Variants in PPARGC1A observed in about 807,000 individuals in gnomAD.
PPARGC1A encodes peroxisome proliferator-activated receptor gamma coactivator 1-alpha.
Under a neutral mutation model 88.7 loss-of-function variants are expected in PPARGC1A, and 25 were observed. That is an observed-to-expected ratio of 0.28 (90% CI 0.21 to 0.39). PPARGC1A has a LOEUF of 0.39. PPARGC1A is among the 10% of genes least tolerant of loss of function. PPARGC1A has a pLI of 1.00. For missense variants in PPARGC1A, 880 were observed against 968.7 expected (o/e 0.91, Z 1.22); for synonymous variants, 363 against 355.6 (o/e 1.02, Z -0.24).
At chr4:24,168,626 C>G in the PPARGC1A span, among the ~76,000 whole-genome samples, 1 of 148,658 alleles carries the variant, frequency 6.7e-6, no homozygotes, top group Non-Finnish European at 1.5e-5. Context: ...CACACACACA[C>G]AAACACACAG....
the PPARGC1A span, among the ~76,000 whole-genome samples, chr4:24,352,528 G>T: frequency 6.6e-6 from 1 of 152,204 alleles, no homozygotes; most frequent in Non-Finnish European, 1.5e-5. Context: ...CAGGGATGGG[G>T]TCCAACTGGC....
At chr4:24,245,076 T>A in the PPARGC1A span, among the ~76,000 whole-genome samples, 1 of 152,096 alleles carries the variant, frequency 6.6e-6, no homozygotes, top group East Asian at 1.9e-4. Flanking sequence ...AAACTGACAA[T>A]CTGCAGTGTT....
At chr4:24,346,266 T>A in the PPARGC1A span, among the ~76,000 whole-genome samples, 1 of 152,140 alleles carries the variant, frequency 6.6e-6, no homozygotes, top group South Asian at 2.1e-4. Flanking sequence ...CCTTTCCTGG[T>A]TTTGGTATTA....
At chr4:24,136,503 C>G in the PPARGC1A span, among the ~76,000 whole-genome samples, 1 of 152,126 alleles carries the variant, frequency 6.6e-6, no homozygotes, top group Non-Finnish European at 1.5e-5. Flanking sequence ...ACAAGAATAG[C>G]GCTTGGAAAT....
At chr4:24,128,190 G>A in the PPARGC1A span, among the ~76,000 whole-genome samples, 1 of 152,140 alleles carries the variant, frequency 6.6e-6, no homozygotes, top group African/African-American at 2.4e-5. Flanking sequence ...CAAAGAGCTT[G>A]TGCATTATAC....
At chr4:24,294,777 T>A in the PPARGC1A span, among the ~76,000 whole-genome samples, 6 of 152,322 alleles carry the variant, frequency 3.9e-5, no homozygotes, top group Admixed American at 1.3e-4. Context: ...CTTCATGATA[T>A]CCCAAAGATG....
At chr4:24,027,230 T>TGTGTGTGTGTGTGC in the PPARGC1A span, among the ~76,000 whole-genome samples, 24 of 127,492 alleles carry the variant, frequency 1.9e-4, no homozygotes, top group South Asian at 1.3e-3. Context: ...TGTGTGTCTG[T>TGTGTGTGTGTGTGC]GTGTGTCTGT....
At chr4:24,466,601 A>C in the PPARGC1A span, among the ~76,000 whole-genome samples, 1 of 152,344 alleles carries the variant, frequency 6.6e-6, no homozygotes, top group South Asian at 2.1e-4. Flanking sequence ...ATGGAACAAC[A>C]ATTGATAAAT....
the PPARGC1A span, among the ~76,000 whole-genome samples, chr4:24,160,704 TA>T: frequency 6.6e-6 from 1 of 152,152 alleles, no homozygotes; most frequent in Non-Finnish European, 1.5e-5. Flanking sequence ...TTGTAGAAAA[TA>T]AGCACCTGAG....
At chr4:24,081,508 T>G in the PPARGC1A span, among the ~76,000 whole-genome samples, 1 of 152,166 alleles carries the variant, frequency 6.6e-6, no homozygotes, top group Non-Finnish European at 1.5e-5. Flanking sequence ...CTCCCACCAC[T>G]GCAAGAAGCT....
the PPARGC1A span, among the ~76,000 whole-genome samples, chr4:24,148,125 G>T: frequency 6.6e-6 from 1 of 152,232 alleles, no homozygotes; most frequent in East Asian, 1.9e-4. Context: ...TGATCAGCTT[G>T]CATTTCCCAT....
At chr4:24,418,129 C>A in the PPARGC1A span, among the ~76,000 whole-genome samples, 1 of 151,986 alleles carries the variant, frequency 6.6e-6, no homozygotes, top group Non-Finnish European at 1.5e-5. Context: ...AGTGAGAAAA[C>A]CTGAACTCAA....
intron 2 of PPARGC1A, among the ~76,000 whole-genome samples, chr4:23,871,089 T>A (rs1182374248): frequency 6.6e-6 from 1 of 152,110 alleles, no homozygotes; most frequent in Non-Finnish European, 1.5e-5. Context: ...ACTATGTGGG[T>A]CCCCAGACTT....
chr4:24,356,157 AC>A, the PPARGC1A span, among the ~76,000 whole-genome samples: 1 of 151,058 alleles, frequency 6.6e-6, no homozygotes, highest in Non-Finnish European at 1.5e-5. Flanking sequence ...AGATCACACC[AC>A]TGTACTCCAG....
chr4:24,366,347 G>A, the PPARGC1A span, among the ~76,000 whole-genome samples: 1 of 152,022 alleles, frequency 6.6e-6, no homozygotes, highest in Non-Finnish European at 1.5e-5. Flanking sequence ...AATTTTTATT[G>A]ACTTTGTTCA....
chr4:24,127,292 C>T, the PPARGC1A span, among the ~76,000 whole-genome samples: 3 of 151,964 alleles, frequency 2.0e-5, no homozygotes, highest in South Asian at 4.2e-4. Context: ...TCCAACTGCC[C>T]GCACTTAGAA....
intron 7 of PPARGC1A, among the ~76,000 whole-genome samples, chr4:23,820,220 C>T (rs2109547144): frequency 6.6e-6 from 1 of 152,060 alleles, no homozygotes; most frequent in African/African-American, 2.4e-5. Flanking sequence ...TCACATGTCC[C>T]CTCTGATGAA....
At chr4:24,379,281 G>T in the PPARGC1A span, among the ~76,000 whole-genome samples, 1 of 152,184 alleles carries the variant, frequency 6.6e-6, no homozygotes, top group Admixed American at 6.5e-5. Flanking sequence ...TGGAAAGGGT[G>T]TATGGGTTGG....
upstream of PPARGC1A, among the ~76,000 whole-genome samples, chr4:23,904,337 C>A (rs567072081): frequency 1.3e-5 from 2 of 152,288 alleles, no homozygotes; most frequent in East Asian, 3.9e-4. Flanking sequence ...GAAAATAAAA[C>A]CCTAGTTCAG....
Sources: gnomAD v4.1 joint callset for allele counts (sites outside exome capture counted in the v4.1 genomes callset) on GRCh38, gnomAD v4.1.1 for gene constraint, MANE v1.5 for transcripts, NCBI Gene and HGNC (gene_info 2026-07-23, HGNC 2026-07-21) for gene names.